The following SPAG16 variants were observed in gnomAD, a reference collection of about 807,000 sequenced individuals.
SPAG16 encodes the protein sperm associated antigen 16.
Under a neutral mutation model 80.4 loss-of-function variants are expected in SPAG16, and 86 were observed. The observed-to-expected ratio is 1.07, with a 90% CI of 0.90 to 1.28. The LOEUF (loss-of-function observed/expected upper bound fraction) is 1.28. Among genes scored for constraint, SPAG16 ranks in the 50% most tolerant of loss-of-function variants. SPAG16 has a pLI of 0.00. For synonymous variants in SPAG16, 294 were observed against 265.9 expected, an observed-to-expected ratio of 1.11 and a Z score of -1.03; for missense variants, 870 against 765.3, an observed-to-expected ratio of 1.14 and a Z score of -1.61.
At chr2:213,641,634 GCT>G (rs2062592766) in intron 10 of SPAG16, among the ~76,000 whole-genome samples, 1 of 152,178 alleles carries the variant, frequency 6.6e-6, no homozygotes. Context: ...TCTTCCCATT[GCT>G]CATTCTACTT....
chr2:214,101,899 G>C (rs2125375375), intron 13 of SPAG16, among the ~76,000 whole-genome samples: 1 of 152,216 alleles, frequency 6.6e-6, no homozygotes, highest in South Asian at 2.1e-4. Context: ...CCTCCACCTG[G>C]AATCACCATT....
At chr2:214,371,024 A>G (rs969120679) in intron 15 of SPAG16, among the ~76,000 whole-genome samples, 1 of 152,134 alleles carries the variant, frequency 6.6e-6, no homozygotes, top group Non-Finnish European at 1.5e-5. Flanking sequence ...TCCAGATCGC[A>G]TTAGAGTCCT....
chr2:213,714,784 T>G (rs1460355741), intron 10 of SPAG16, among the ~76,000 whole-genome samples: 1 of 152,170 alleles, frequency 6.6e-6, no homozygotes, highest in African/African-American at 2.4e-5. Context: ...TATTGGGATT[T>G]AAACCCAACG....
chr2:213,781,794 C>A (rs1216178058), intron 10 of SPAG16, among the ~76,000 whole-genome samples: 1 of 152,126 alleles, frequency 6.6e-6, no homozygotes, highest in Non-Finnish European at 1.5e-5. Context: ...CATTGAAGAG[C>A]TTTTTCCTTC....
intron 15 of SPAG16, among the ~76,000 whole-genome samples, chr2:214,360,513 C>T (rs558378322): frequency 4.6e-5 from 7 of 151,728 alleles, no homozygotes; most frequent in Admixed American, 4.6e-4. Context: ...TATTGTTAAG[C>T]AAGATTGTGA....
intron 10 of SPAG16, among the ~76,000 whole-genome samples, chr2:213,808,353 T>C (rs1469540271): frequency 6.6e-6 from 1 of 152,154 alleles, no homozygotes; most frequent in Non-Finnish European, 1.5e-5. Flanking sequence ...GCCACTCGTT[T>C]ACAAGCAAAC....
rs118136691 is a variant in SPAG16 at position 214,335,332 on chromosome 2, G to A, written c.1721-74808G>A. Among the ~76,000 whole-genome samples, 331 of 152,174 alleles carry A rather than the reference G, an allele frequency of 2.2e-3. 2 individuals are homozygous for A. In the East Asian group the frequency reaches 0.024, roughly 11 times the overall value. ...ATTCCTGAAAGAACATCTCTGTGACGCCCCGCAGCATCCGCTACACACTGA... is the reference window on the plus strand; with the variant it reads ...ATTCCTGAAAGAACATCTCTGTGACACCCCGCAGCATCCGCTACACACTGA... On this transcript the variant is annotated intron_variant, in intron 15 of 15. Transcript: ENST00000331683.
intron 11 of SPAG16, among the ~76,000 whole-genome samples, chr2:213,889,557 C>T (rs967401650): frequency 9.9e-5 from 15 of 151,096 alleles, no homozygotes; most frequent in Middle Eastern, 3.2e-3. Flanking sequence ...GGGCTGTTCT[C>T]TGGCCAACCT....
chr2:213,996,089 A>G (rs1426239302), intron 12 of SPAG16, among the ~76,000 whole-genome samples: 5 of 152,194 alleles, frequency 3.3e-5, no homozygotes, highest in African/African-American at 7.2e-5. Context: ...TGTCCATCCA[A>G]TATTCCAGAG....
intron 10 of SPAG16, among the ~76,000 whole-genome samples, chr2:213,500,947 T>C (rs1050295682): frequency 1.3e-5 from 2 of 152,224 alleles, no homozygotes; most frequent in African/African-American, 4.8e-5. Flanking sequence ...TGAGATAATA[T>C]GTTTTATGGT....
intron 15 of SPAG16, among the ~76,000 whole-genome samples, chr2:214,307,176 G>A (rs1041909589): frequency 3.3e-5 from 5 of 152,204 alleles, no homozygotes; most frequent in Admixed American, 6.5e-5. Context: ...GTGCATAGAG[G>A]TGTTCGTAAT....
chr2:213,357,202 C>T (rs772424017), intron 7 of SPAG16, among the ~76,000 whole-genome samples: 20 of 151,940 alleles, frequency 1.3e-4, no homozygotes, highest in South Asian at 8.3e-4. Flanking sequence ...AGAATAAGCG[C>T]GATATGGTGC....
At chr2:213,463,189 G>A (rs1436567251) in intron 9 of SPAG16, among the ~76,000 whole-genome samples, 3 of 152,192 alleles carry the variant, frequency 2.0e-5, no homozygotes, top group Non-Finnish European at 4.4e-5. Flanking sequence ...GATGATTTAG[G>A]ACATCTGGTG....
chr2:214,405,560 C>A (rs1283930292), intron 15 of SPAG16, among the ~76,000 whole-genome samples: 1 of 152,120 alleles, frequency 6.6e-6, no homozygotes, highest in Non-Finnish European at 1.5e-5. Flanking sequence ...CTTTGGGAGG[C>A]CAAGATGAGT....
chr2:213,845,738 A>G (rs1197335528), intron 10 of SPAG16, among the ~76,000 whole-genome samples: 1 of 152,202 alleles, frequency 6.6e-6, no homozygotes, highest in Non-Finnish European at 1.5e-5. Context: ...AATGAAGCTC[A>G]GGCATCTGAT....
intron 15 of SPAG16, among the ~76,000 whole-genome samples, chr2:214,391,605 A>T (rs1375120131): frequency 1.3e-5 from 2 of 152,188 alleles, no homozygotes; most frequent in Non-Finnish European, 2.9e-5. Flanking sequence ...GATACAACAG[A>T]GGGAAAGAAA....
chr2:214,202,436 A>C (rs2058034862), intron 15 of SPAG16, among the ~76,000 whole-genome samples: 1 of 152,190 alleles, frequency 6.6e-6, no homozygotes, highest in Non-Finnish European at 1.5e-5. Context: ...GTGTTCCTAG[A>C]ATATGAAAAC....
intron 10 of SPAG16, among the ~76,000 whole-genome samples, chr2:213,750,828 G>C (rs2068045702): frequency 6.6e-6 from 1 of 152,190 alleles, no homozygotes; most frequent in Non-Finnish European, 1.5e-5. Context: ...TATCTGTAGA[G>C]TGTCTTACCA....
chr2:214,066,555 T>C (rs1345484815), intron 13 of SPAG16, among the ~76,000 whole-genome samples: 1 of 152,196 alleles, frequency 6.6e-6, no homozygotes, highest in Non-Finnish European at 1.5e-5. Context: ...TCAAACTCTT[T>C]ATGGACAGGT....
Sources: allele counts gnomAD v4.1 joint callset (sites outside exome capture counted in the v4.1 genomes callset), GRCh38; gene constraint gnomAD v4.1.1; transcripts MANE v1.5; gene names NCBI Gene and HGNC (gene_info 2026-07-23, HGNC 2026-07-21).